The following ROBO2 variants were observed in gnomAD, a reference collection of about 807,000 sequenced individuals.
ROBO2 encodes roundabout homolog 2.
In ROBO2, 53 loss-of-function variants were observed where a neutral mutation model predicts 160.8. The ratio of observed to expected loss-of-function variants is 0.33; its 90% CI spans 0.26 to 0.41. The LOEUF (loss-of-function observed/expected upper bound fraction) is 0.41. ROBO2 is among the 10% of genes least tolerant of loss of function. ROBO2 has a pLI of 1.00. For missense variants in ROBO2, 1,577 were observed against 1,722.4 expected (o/e 0.92, Z 1.49); for synonymous variants, 664 against 611.7 (o/e 1.09, Z -1.26).
chr3:77,046,904 G>A (rs1302850172), intron 1 of ROBO2, among the ~76,000 whole-genome samples: 1 of 152,166 alleles, frequency 6.6e-6, no homozygotes, highest in African/African-American at 2.4e-5. Flanking sequence ...GACTTGGTAG[G>A]GAAGGTACCA....
Position 76,153,443 on chromosome 3 carries a change from G to T in ROBO2, c.109+215841G>T, listed in dbSNP as rs73116827. 2.7e-3 allele frequency among the ~76,000 whole-genome samples: 406 copies of T among 152,154 alleles called. 1 individual carries two copies. The highest frequency in any genetic ancestry group is 4.9e-3 in the Non-Finnish European group (330 of 67,974). ...ATTAGGGAAAAGCATTGAGTTTTTT[G>T]TTGTTGTTGTTGTATTGGTGGTTTT... On this transcript the variant is annotated intron_variant, in intron 2 of 26. Coordinates refer to the ROBO2 transcript ENST00000487694.
chr3:76,622,249 A>AGAAAGAAAG (rs2089220954), intron 2 of ROBO2, among the ~76,000 whole-genome samples: 1 of 52,676 alleles, frequency 1.9e-5, no homozygotes, highest in Non-Finnish European at 3.8e-5. Flanking sequence ...AAAGAAAGAA[A>AGAAAGAAAG]GAAAGAAAGA....
chr3:77,288,398 T>A (rs927289957), intron 2 of ROBO2, among the ~76,000 whole-genome samples: 2 of 152,198 alleles, frequency 1.3e-5, no homozygotes, highest in Admixed American at 6.5e-5. Flanking sequence ...GATAGAAAAG[T>A]CTTCATTGTT....
intron 2 of ROBO2, among the ~76,000 whole-genome samples, chr3:76,241,312 C>T (rs961286006): frequency 2.6e-5 from 4 of 152,080 alleles, no homozygotes; most frequent in Non-Finnish European, 5.9e-5. Context: ...CAAAGAAAGA[C>T]TAAGAAGTTG....
chr3:77,082,017 C>A (rs924230394), intron 1 of ROBO2, among the ~76,000 whole-genome samples: 1 of 152,114 alleles, frequency 6.6e-6, no homozygotes, highest in Non-Finnish European at 1.5e-5. Flanking sequence ...ACTGCATAGG[C>A]CCTATGTTTA....
At chr3:77,235,429 T>G (rs2087832376) in intron 2 of ROBO2, among the ~76,000 whole-genome samples, 3 of 151,826 alleles carry the variant, frequency 2.0e-5, no homozygotes, top group Admixed American at 2.0e-4. Context: ...CTCGACTCAC[T>G]GCAAGCTCTG....
intron 24 of ROBO2, among the ~76,000 whole-genome samples, chr3:77,635,573 T>G (rs2095250420): frequency 6.6e-6 from 1 of 152,210 alleles, no homozygotes; most frequent in African/African-American, 2.4e-5. Context: ...TTTCAGTCAA[T>G]GACAGACTGC....
intron 2 of ROBO2, among the ~76,000 whole-genome samples, chr3:76,913,342 C>A (rs1180045066): frequency 6.6e-6 from 1 of 152,136 alleles, no homozygotes; most frequent in African/African-American, 2.4e-5. Flanking sequence ...TGAAAGCCTG[C>A]AAGCCATTCT....
intron 2 of ROBO2, among the ~76,000 whole-genome samples, chr3:75,944,807 T>C (rs1948208320): frequency 1.3e-5 from 2 of 152,196 alleles, no homozygotes; most frequent in South Asian, 4.1e-4. Flanking sequence ...ATGATTATTT[T>C]GTACTTCTTT....
chr3:76,176,018 A>T (rs922763109), intron 2 of ROBO2, among the ~76,000 whole-genome samples: 4 of 152,102 alleles, frequency 2.6e-5, no homozygotes, highest in African/African-American at 9.6e-5. Context: ...CTGCCTCTGA[A>T]TTGTATTGAT....
intron 2 of ROBO2, among the ~76,000 whole-genome samples, chr3:76,034,840 A>G (rs1002077947): frequency 7.2e-5 from 11 of 152,058 alleles, no homozygotes; most frequent in African/African-American, 2.7e-4. Flanking sequence ...CCTGTGCCCC[A>G]GCCAATCAAA....
intron 1 of ROBO2, among the ~76,000 whole-genome samples, chr3:75,936,304 A>T (rs1431312119): frequency 3.3e-5 from 5 of 152,288 alleles, no homozygotes; most frequent in Middle Eastern, 3.4e-3. Context: ...CTTCTGGGTG[A>T]CTGGATTCCC....
At chr3:76,049,497 G>C (rs1051728526) in intron 2 of ROBO2, among the ~76,000 whole-genome samples, 2 of 143,758 alleles carry the variant, frequency 1.4e-5, no homozygotes, top group African/African-American at 2.6e-5. Flanking sequence ...GTCTCCCTCA[G>C]TCTCCCAAAG....
At chr3:76,566,445 T>C (rs1179047963) in intron 2 of ROBO2, among the ~76,000 whole-genome samples, 1 of 152,126 alleles carries the variant, frequency 6.6e-6, no homozygotes, top group African/African-American at 2.4e-5. Flanking sequence ...TGAAATACTG[T>C]CTGGAATCCC....
intron 1 of ROBO2, among the ~76,000 whole-genome samples, chr3:77,083,140 A>G (rs1012625194): frequency 1.3e-5 from 2 of 152,158 alleles, no homozygotes; most frequent in African/African-American, 4.8e-5. Context: ...AAAATGAGAA[A>G]CACAGCCAAG....
chr3:76,460,464 A>G (rs2078025559), intron 2 of ROBO2, among the ~76,000 whole-genome samples: 1 of 152,184 alleles, frequency 6.6e-6, no homozygotes, highest in Non-Finnish European at 1.5e-5. Context: ...GCTAAGGGTA[A>G]GTCGTAAAAT....
At chr3:77,484,229 A>C (rs1197082247) in intron 4 of ROBO2, among the ~76,000 whole-genome samples, 1 of 152,012 alleles carries the variant, frequency 6.6e-6, no homozygotes, top group Non-Finnish European at 1.5e-5. Context: ...CACCTTCCTG[A>C]AGTATAGTCC....
chr3:76,821,705 A>C (rs1447931489), intron 2 of ROBO2, among the ~76,000 whole-genome samples: 1 of 152,010 alleles, frequency 6.6e-6, no homozygotes, highest in South Asian at 2.1e-4. Flanking sequence ...TCTCAGTAGT[A>C]TTGCTTGCAT....
At chr3:77,570,909 G>A (rs1040820809) in intron 13 of ROBO2, among the ~76,000 whole-genome samples, 3 of 151,866 alleles carry the variant, frequency 2.0e-5, no homozygotes, top group South Asian at 2.1e-4. Flanking sequence ...GAGACCATTC[G>A]CTGTCCCCCT....
Sources: allele counts gnomAD v4.1 joint callset (sites outside exome capture counted in the v4.1 genomes callset), GRCh38; gene constraint gnomAD v4.1.1; transcripts MANE v1.5; gene names NCBI Gene and HGNC (gene_info 2026-07-23, HGNC 2026-07-21).